RIPOR2: variants seen among roughly 807,000 people sequenced by gnomAD.
The protein encoded by RIPOR2 is RHO family interacting cell polarization regulator 2, also known as rho family-interacting cell polarization regulator 2.
RIPOR2 carries 39 observed loss-of-function variants against 114.5 expected under a neutral mutation model. The observed-to-expected ratio is 0.34, with a 90% confidence interval of 0.26 to 0.44. RIPOR2 has a LOEUF of 0.44. Ranked by LOEUF, RIPOR2 falls within the 20% of genes least tolerant of loss-of-function variation. The pLI is 1.00. For missense variants in RIPOR2, 1,007 were observed against 1,255.1 expected (o/e 0.80, Z 2.99); for synonymous variants, 445 against 484.4 (o/e 0.92, Z 1.07).
intron 15 of RIPOR2, among the ~76,000 whole-genome samples, chr6:24,835,417 C>A (rs1019357114): frequency 6.6e-6 from 1 of 152,136 alleles, no homozygotes; most frequent in Non-Finnish European, 1.5e-5. Flanking sequence ...CCCCCCACCC[C>A]CTTAATCACA....
chr6:24,983,193 T>TACACACAC (rs5875016), intron 1 of RIPOR2, among the ~76,000 whole-genome samples: 316 of 147,336 alleles, frequency 2.1e-3, no homozygotes, highest in Middle Eastern at 6.9e-3. Flanking sequence ...GTTGAACACG[T>TACACACAC]ACACACACAC....
chr6:24,811,228 C>CTTTT (rs59559836), intron 20 of RIPOR2, among the ~76,000 whole-genome samples: 2 of 93,782 alleles, frequency 2.1e-5, no homozygotes, highest in African/African-American at 4.0e-5. Context: ...TTCTCTCATT[C>CTTTT]TTTTTTTTTT....
At chr6:24,870,380 C>A (rs1275562143) in intron 5 of RIPOR2, among the ~76,000 whole-genome samples, 1 of 152,208 alleles carries the variant, frequency 6.6e-6, no homozygotes, top group Non-Finnish European at 1.5e-5. Flanking sequence ...ATCTATAGAT[C>A]ACAGTACTTG....
intron 1 of RIPOR2, among the ~76,000 whole-genome samples, chr6:25,020,630 C>A (rs993789482): frequency 2.6e-5 from 4 of 152,166 alleles, no homozygotes; most frequent in Non-Finnish European, 5.9e-5. Flanking sequence ...GTTGTCACTT[C>A]CAAAAGTCTG....
chr6:24,952,556 G>T (rs1286382720), intron 1 of RIPOR2, among the ~76,000 whole-genome samples: 1 of 152,158 alleles, frequency 6.6e-6, no homozygotes, highest in African/African-American at 2.4e-5. Flanking sequence ...CCACCAACCA[G>T]ATACAATCGA....
At chr6:25,030,390 A>G (rs1409422328) in intron 1 of RIPOR2, among the ~76,000 whole-genome samples, 1 of 152,126 alleles carries the variant, frequency 6.6e-6, no homozygotes, top group Non-Finnish European at 1.5e-5. Flanking sequence ...CCCCTGAGAG[A>G]GGACCAGAGC....
chr6:24,865,959 G>C (rs1203275086), intron 6 of RIPOR2, among the ~76,000 whole-genome samples: 1 of 152,134 alleles, frequency 6.6e-6, no homozygotes, highest in Non-Finnish European at 1.5e-5. Flanking sequence ...AAACTTTGTA[G>C]TATCCTAGGC....
intron 1 of RIPOR2, chr6:25,024,093 G>A (rs1051694125): frequency 5.1e-6 from 4 of 783,894 alleles, no homozygotes; most frequent in Non-Finnish European, 9.3e-6. Flanking sequence ...GGACCAGCGA[G>A]TACCAGGTGA....
At chr6:25,003,604 A>G (rs1581938000) in intron 1 of RIPOR2, among the ~76,000 whole-genome samples, 1 of 151,424 alleles carries the variant, frequency 6.6e-6, no homozygotes, top group Non-Finnish European at 1.5e-5. Flanking sequence ...TAATTTTTCT[A>G]TTTTTTGGTG....
At chr6:25,018,656 C>A (rs983308864) in intron 1 of RIPOR2, among the ~76,000 whole-genome samples, 3 of 152,194 alleles carry the variant, frequency 2.0e-5, no homozygotes, top group Non-Finnish European at 2.9e-5. Flanking sequence ...GTATTCCTTA[C>A]ATTTCCTATA....
intron 13 of RIPOR2, chr6:24,840,459 C>A: frequency 7.5e-7 from 1 of 1,324,744 alleles, no homozygotes; most frequent in South Asian, 1.6e-5. Context: ...AAAACAATGC[C>A]AGTTGCTATG....
chr6:24,861,105 C>T (rs370065542), intron 7 of RIPOR2, 69 bp from the exon 8 acceptor site: 31 of 1,016,752 alleles, frequency 3.0e-5, no homozygotes, highest in Non-Finnish European at 4.1e-5. Context: ...ACACGACGTT[C>T]GAACAGCAGC....
At chr6:25,034,622 A>T (rs1378858720) in intron 1 of RIPOR2, among the ~76,000 whole-genome samples, 1 of 152,112 alleles carries the variant, frequency 6.6e-6, no homozygotes, top group Non-Finnish European at 1.5e-5. Flanking sequence ...CAAACAAACA[A>T]CCTGAGAATT....
In RIPOR2 at chr6:24,870,824, A is replaced by C. The variant is rs3763221; in HGVS notation, c.447+42T>G. On this transcript the variant is annotated intron_variant, in intron 5 of 21. Transcript: ENST00000643898. ...CCACCGTGCCCAGCAAGGATGCAGA[A>C]TTTTTTTCTTATTAGCACCCCAACA... 2.6e-3 allele frequency: 4,001 copies of C among 1,547,662 alleles called. 52 individuals carry two copies. The highest frequency in any genetic ancestry group is 0.02 in the South Asian group (1,767 of 87,604).
intron 1 of RIPOR2, among the ~76,000 whole-genome samples, chr6:24,989,198 C>T (rs546614976): frequency 2.5e-4 from 38 of 152,010 alleles, no homozygotes; most frequent in African/African-American, 9.2e-4. Context: ...TTGTTTGCTT[C>T]ATTTTCATGG....
At chr6:25,015,236 C>T (rs1040065091) in intron 1 of RIPOR2, 9 of 152,170 alleles carry the variant, frequency 5.9e-5, no homozygotes, top group African/African-American at 1.2e-4. Context: ...TAGGAGTCTT[C>T]GAAACCTTTT....
intron 1 of RIPOR2, among the ~76,000 whole-genome samples, chr6:24,964,147 C>CTGTGTGTGTGTGTGTG (rs70974955): frequency 2.1e-3 from 303 of 146,700 alleles, no homozygotes; most frequent in African/African-American, 6.5e-3. Context: ...GACATTGGCT[C>CTGTGTGTGTGTGTGTG]TGTGTGTGTG....
intron 1 of RIPOR2, among the ~76,000 whole-genome samples, chr6:24,911,467 G>A (rs961325729): frequency 1.3e-5 from 2 of 152,038 alleles, no homozygotes; most frequent in African/African-American, 4.8e-5. Context: ...AAATGAGGCG[G>A]TGGTGTATGG....
At chr6:24,950,299 A>G (rs150742545) in intron 1 of RIPOR2, among the ~76,000 whole-genome samples, 3 of 152,316 alleles carry the variant, frequency 2.0e-5, no homozygotes, top group African/African-American at 7.2e-5. Context: ...GTGAAGGCAG[A>G]AAGTTGGCAA....
Sources: allele counts gnomAD v4.1 joint callset (sites outside exome capture counted in the v4.1 genomes callset), GRCh38; gene constraint gnomAD v4.1.1; transcripts MANE v1.5; gene names NCBI Gene and HGNC (gene_info 2026-07-23, HGNC 2026-07-21).